The following MAU2 variants were observed in gnomAD, a reference collection of about 807,000 sequenced individuals.
MAU2 encodes MAU2 chromatid cohesion factor homolog.
A neutral mutation model predicts 89.1 loss-of-function variants in MAU2; 9 were observed. The ratio of observed to expected loss-of-function variants is 0.10; its 90% CI spans 0.06 to 0.18. The LOEUF (loss-of-function observed/expected upper bound fraction) is 0.18, where lower values mean the gene tolerates loss of function less well. MAU2 is among the 10% of genes least tolerant of loss of function. The pLI is 1.00. For missense variants in MAU2, 425 were observed against 803.5 expected, an observed-to-expected ratio of 0.53 and a Z score of 5.69; for synonymous variants, 357 against 343.4, an observed-to-expected ratio of 1.04 and a Z score of -0.44.
chr19:19,321,108 G>C lies in MAU2; in HGVS notation c.249G>C (p.Glu83Asp), dbSNP rs780738073. The change falls in exon 1 of 19, where the codon GAG (glutamate) becomes GAC (aspartate). Residue 83 changes from glutamate (E) to aspartate (D), a missense_variant. Around this residue, in one of 11 missense-constraint regions of MAU2, gnomAD observed 57 missense variants for 57.5 expected, o/e 0.99. Coordinates refer to ENST00000262815, the MANE Select transcript of MAU2 (RefSeq NM_015329.4). Reference sequence around the variant, plus strand: ...TCTATCACCACACCAAGAACAGCGAGCAGGCGCGCAGCCACCTGGAGAAGG... The same window carrying C: ...TCTATCACCACACCAAGAACAGCGACCAGGCGCGCAGCCACCTGGAGAAGG... ...SVLYHHTKNS[E>D]QARSHLEKAW... is the part of the protein sequence containing the mutation. 1 of 1,599,890 alleles carries C rather than the reference G, an allele frequency of 6.3e-7. No individual in the cohort carries two copies. Among genetic ancestry groups the C allele is most frequent in the Admixed American group, 1.7e-5 (1 of 58,672 alleles).
At chr19:19,322,974 T>G (rs1479694017) in intron 1 of MAU2, among the ~76,000 whole-genome samples, 1 of 152,074 alleles carries the variant, frequency 6.6e-6, no homozygotes, top group Non-Finnish European at 1.5e-5. Context: ...CACTGCAACC[T>G]CCGTCTCCCG....
At chr19:19,351,033 CT>C (rs910351533) in intron 16 of MAU2, among the ~76,000 whole-genome samples, 1 of 151,112 alleles carries the variant, frequency 6.6e-6, no homozygotes, top group Admixed American at 6.6e-5. Context: ...GTGAGACCCT[CT>C]TTTTTTTTAA....
At chr19:19,341,202 G>A in intron 6 of MAU2, 50 bp from the exon 7 acceptor site, 8 of 1,573,828 alleles carry the variant, frequency 5.1e-6, no homozygotes, top group Non-Finnish European at 6.9e-6. Context: ...CCGGTCCTGG[G>A]AGGGCCCCTG....
chr19:19,340,868 G>T lies in MAU2; in HGVS notation c.574G>T (p.Gly192Trp). 1 of 1,613,452 alleles carries T rather than the reference G, an allele frequency of 6.2e-7. No homozygotes were observed. Residue 192 changes from glycine to tryptophan, a missense_variant, in exon 6 of 19, where the codon GGG (glycine) becomes TGG (tryptophan). Transcript: ENST00000262815. ...YTRALFLLSKGMLLLMERKLQ... is the reference protein window; with the variant it reads ...YTRALFLLSKWMLLLMERKLQ... Reference sequence around the variant, plus strand: ...CAGGGCGCTGTTCCTCCTCAGCAAGGGGATGGTAAGTTGAGGCTGGGCATG... The same window carrying T: ...CAGGGCGCTGTTCCTCCTCAGCAAGTGGATGGTAAGTTGAGGCTGGGCATG...
At chr19:19,354,312 G>A (rs1329793827) in intron 16 of MAU2, 43 bp from the exon 17 acceptor site, 2 of 1,522,952 alleles carry the variant, frequency 1.3e-6, no homozygotes. Context: ...TCGGCAAGTG[G>A]GGTCCAGGCT....
rs1216682572 is a variant in MAU2 at position 19,330,920 on chromosome 19, TA to T, written c.277-4794del. On this transcript the variant is annotated intron_variant, in intron 1 of 18. Transcript: ENST00000262815. ...CTACAATCAAAAAAAGCCTTTTTTT[TA>T]AAAGTTACTTTGGTTTTAAGGAATA... Among the ~76,000 whole-genome samples, 5 of 152,092 alleles carry T rather than the reference TA, an allele frequency of 3.3e-5. 1 individual carries two copies. Among genetic ancestry groups the T allele is most frequent in the Admixed American group, 2.6e-4 (4 of 15,272 alleles).
chr19:19,345,003 A>G lies in MAU2; in HGVS notation c.1155+77A>G. 1 of 1,361,252 alleles carries G rather than the reference A, an allele frequency of 7.3e-7. No individual in the cohort carries two copies. The highest frequency in any genetic ancestry group is 1.4e-5 in the African/African-American group (1 of 69,928). 84.3% of individuals were successfully genotyped at this position (1,361,252 alleles called of 1,614,324 possible). On this transcript the variant is annotated intron_variant, in intron 11 of 18. Coordinates refer to ENST00000262815, the MANE Select transcript of MAU2 (RefSeq NM_015329.4). The surrounding 1 kb of genome is among the most constrained non-coding windows in gnomAD (Gnocchi z 4.9). ...GTAAGTACCTAACCAGATCCAGAAC[A>G]TTCCCAGTGAAGGACCCCCTGACAG...
Position 19,355,080 on chromosome 19 carries a change from A to G in MAU2, c.1640-184A>G, listed in dbSNP as rs1308113874. ...TGCCCAGCCAGCCCTGTTCTGCCCT[A>G]TGAGGGCGGCTGGCGCATGGGCTTT... On this transcript the variant is annotated intron_variant, in intron 17 of 18. Transcript: ENST00000262815. 1.8e-5 allele frequency: 13 copies of G among 723,068 alleles called. No individual in the cohort carries two copies. The Admixed American group carries it at 3.3e-4, about 19-fold the overall frequency. The allele number at this position is 723,068 out of a possible 1,614,324, so 44.8% of individuals were successfully genotyped here.
At position 19,344,536 on chromosome 19, in the gene MAU2, A is replaced by G. The variant is rs542155868; in HGVS notation, c.1078-313A>G. On this transcript the variant is annotated intron_variant, in intron 10 of 18. Transcript: ENST00000262815. ...AGTGATTGTTATACCCCACCCTGCC[A>G]TTAGGAACACTCTACCCCCAGTACC... 150 of 448,708 alleles carry G rather than the reference A, an allele frequency of 3.3e-4. 1 individual carries two copies. Among genetic ancestry groups the G allele is most frequent in the Non-Finnish European group, 4.7e-4 (116 of 246,082 alleles). 27.8% of individuals were successfully genotyped at this position (448,708 alleles called of 1,614,324 possible).
At chr19:19,348,384 C>A in intron 13 of MAU2, 1 of 204,748 alleles carries the variant, frequency 4.9e-6, no homozygotes, top group East Asian at 1.5e-4. Context: ...GAAAGCCCAG[C>A]CCCGGCTTAG....
At chr19:19,348,465 G>A (rs1006379798) in intron 13 of MAU2, 2 of 287,924 alleles carry the variant, frequency 6.9e-6, no homozygotes, top group African/African-American at 2.2e-5. Context: ...TGCAGCTAGA[G>A]GGCAGCTAAA....
rs1323291171 is a variant in MAU2 at position 19,342,710 on chromosome 19, G to T, written c.882+29G>T. On this transcript the variant is annotated intron_variant, in intron 8 of 18. Transcript: ENST00000262815. ...CGTCCCCACCAGGGCCCGGGCCAGG[G>T]CTGGGGGCGGGGGCAGGGAGAGGGA... is the stretch of plus-strand genomic sequence containing the variant. The T allele has an allele frequency of 3.1e-6, 5 of 1,612,044 alleles. No individual in the cohort carries two copies. In the African/African-American group the frequency reaches 6.7e-5, roughly 22 times the overall value.
intron 5 of MAU2, 46 bp from the exon 6 acceptor site, chr19:19,340,800 G>T: frequency 6.2e-7 from 1 of 1,608,938 alleles, no homozygotes; most frequent in Non-Finnish European, 8.5e-7. Flanking sequence ...CATCCCAGGA[G>T]GCTCCTGGGC....
At chr19:19,342,919 C>T (rs746638006) in intron 9 of MAU2, 53 bp downstream of exon 9, 2 of 1,591,024 alleles carry the variant, frequency 1.3e-6, no homozygotes, top group East Asian at 2.2e-5. Flanking sequence ...TGGCGGACGG[C>T]CTGGCCAGAC....
At chr19:19,333,371 G>A (rs1474899774) in intron 1 of MAU2, among the ~76,000 whole-genome samples, 2 of 151,980 alleles carry the variant, frequency 1.3e-5, no homozygotes, top group African/African-American at 2.4e-5. Context: ...CAGTAGTCCC[G>A]GCTACTCAGG....
intron 8 of MAU2, 46 bp downstream of exon 8, chr19:19,342,727 G>A: frequency 6.2e-7 from 1 of 1,613,452 alleles, no homozygotes; most frequent in Non-Finnish European, 8.5e-7. Flanking sequence ...GCGGGGGCAG[G>A]GAGAGGGAGA....
chr19:19,349,240 T>C lies in MAU2; in HGVS notation c.1436+8T>C, dbSNP rs751218772. On this transcript the variant is annotated splice_region_variant and intron_variant, in intron 15 of 18. Coordinates refer to ENST00000262815, the MANE Select transcript of MAU2 (RefSeq NM_015329.4). Reference sequence around the variant, plus strand: ...ACGCTACAACGAGGCCAAGTAAGTGTGGGGCAGAGGGTGGCGTGAGGGCCA... The same window carrying C: ...ACGCTACAACGAGGCCAAGTAAGTGCGGGGCAGAGGGTGGCGTGAGGGCCA... The C allele has an allele frequency of 3.1e-6, 5 of 1,614,014 alleles. No homozygotes were observed. The highest frequency in any genetic ancestry group is 4.2e-6 in the Non-Finnish European group (5 of 1,180,038).
At chr19:19,353,964 C>T (rs536984186) in intron 16 of MAU2, 2 of 240,542 alleles carry the variant, frequency 8.3e-6, no homozygotes, top group South Asian at 1.1e-4. Flanking sequence ...GAAGACAAAC[C>T]GGAGGGGCTG....
At position 19,349,315 on chromosome 19, in the gene MAU2, T is replaced by C; in HGVS notation, c.1437-10T>C. 1 of 1,614,100 alleles carries C rather than the reference T, an allele frequency of 6.2e-7. No homozygotes were observed. The highest frequency in any genetic ancestry group is 8.5e-7 in the Non-Finnish European group (1 of 1,179,932). ...CCTGCAGTTATCAGCGTCCATGTTCTCCTTGTCAGGCGATTTCTGCGGGAA... is the reference window on the plus strand; with the variant it reads ...CCTGCAGTTATCAGCGTCCATGTTCCCCTTGTCAGGCGATTTCTGCGGGAA... On this transcript the variant is annotated splice_polypyrimidine_tract_variant and intron_variant, in intron 15 of 18. Coordinates refer to ENST00000262815, the MANE Select transcript of MAU2 (RefSeq NM_015329.4).
Sources: gnomAD v4.1 joint callset for allele counts (sites outside exome capture counted in the v4.1 genomes callset) on GRCh38, gnomAD v4.1.1 for gene constraint, gnomAD v4.1.1 regional missense constraint, Gnocchi (gnomAD v3.1) non-coding constraint, MANE v1.5 for transcripts, NCBI Gene and HGNC (gene_info 2026-07-23, HGNC 2026-07-21) for gene names.